PACSIN1: variants seen among roughly 807,000 people sequenced by gnomAD.
The protein encoded by PACSIN1 is protein kinase C and casein kinase substrate in neurons 1.
Under a neutral mutation model 59.5 loss-of-function variants are expected in PACSIN1, and 15 were observed. That is an observed-to-expected ratio of 0.25 (90% CI 0.17 to 0.39). The LOEUF is 0.39. Among genes scored for constraint, PACSIN1 ranks in the 10% least tolerant of loss-of-function variants. PACSIN1 has a pLI of 1.00. For missense variants in PACSIN1, 420 were observed against 580.2 expected (o/e 0.72, Z 2.84); for synonymous variants, 210 against 220.6 (o/e 0.95, Z 0.42).
chr6:34,509,247 A>G (rs1028315884), intron 1 of PACSIN1, among the ~76,000 whole-genome samples: 3 of 152,156 alleles, frequency 2.0e-5, no homozygotes, highest in South Asian at 2.1e-4. Context: ...CAGTTTTCCC[A>G]TCACCATTTG....
At chr6:34,485,472 G>A (rs192116554) in intron 1 of PACSIN1, among the ~76,000 whole-genome samples, 3 of 152,148 alleles carry the variant, frequency 2.0e-5, no homozygotes, top group Admixed American at 2.0e-4. Flanking sequence ...GAGAGTCAGC[G>A]GGGTGTGGGG....
chr6:34,490,535 C>A (rs193012756), intron 1 of PACSIN1, among the ~76,000 whole-genome samples: 340 of 152,258 alleles, frequency 2.2e-3, no homozygotes, highest in African/African-American at 7.5e-3. Context: ...CCTGAGCCTG[C>A]CCTTCTGATG....
rs187659161 is a variant in PACSIN1, at chr6:34,505,371, T to G, written c.-63-20872T>G. Among the ~76,000 whole-genome samples, 932 of 152,240 alleles carry G rather than the reference T, an allele frequency of 6.1e-3. 53 individuals carry two copies. Among genetic ancestry groups the G allele is most frequent in the Admixed American group, 0.057 (864 of 15,276 alleles). On this transcript the variant is annotated intron_variant, in intron 1 of 9. Coordinates refer to ENST00000244458, the MANE Select transcript of PACSIN1 (RefSeq NM_020804.5). ...CACTTAACTTCTTAAATCCATTGTT[T>G]GTCTTTTGCCAAGTTCAGGATTGTT...
chr6:34,507,332 C>T (rs1172307677), intron 1 of PACSIN1, among the ~76,000 whole-genome samples: 1 of 152,058 alleles, frequency 6.6e-6, no homozygotes, highest in African/African-American at 2.4e-5. Context: ...GTCAGTCTGT[C>T]TTCTCTCTGC....
rs1581989820 is a variant in PACSIN1, at chr6:34,531,795, G to A, written c.1225+8G>A. 6.5e-7 allele frequency: 1 copy of A among 1,547,628 alleles called. No individual in the cohort carries two copies. Among genetic ancestry groups the A allele is most frequent in the South Asian group, 1.2e-5 (1 of 80,686 alleles). On this transcript the variant is annotated splice_region_variant and intron_variant, in intron 9 of 9. Transcript: ENST00000244458. This position sits in a 1 kb window ranked among gnomAD's most constrained non-coding sequence, Gnocchi z 4.4. ...AGCTCAGCTTTAAGGCCGGTAGGAC[G>A]GCTGGGCGGGGCAGTGCCTGAGAGA...
intron 1 of PACSIN1, among the ~76,000 whole-genome samples, chr6:34,495,167 C>T (rs79168958): frequency 0.096 from 14,592 of 152,110 alleles, 800 homozygotes; most frequent in Non-Finnish European, 0.12. Flanking sequence ...TAGCTGAGTG[C>T]GCTTATTTAT....
intron 1 of PACSIN1, among the ~76,000 whole-genome samples, chr6:34,519,207 T>C (rs1021785394): frequency 5.9e-5 from 9 of 152,100 alleles, no homozygotes; most frequent in Non-Finnish European, 1.0e-4. Flanking sequence ...CTTGGGCCCC[T>C]TCCTAGCTGG....
chr6:34,487,956 T>G (rs945244378), intron 1 of PACSIN1, among the ~76,000 whole-genome samples: 5 of 152,286 alleles, frequency 3.3e-5, no homozygotes, highest in African/African-American at 1.2e-4. Context: ...TGGGAACAGC[T>G]TCTTCAGGGT....
chr6:34,505,298 AT>A (rs1344683498), intron 1 of PACSIN1, among the ~76,000 whole-genome samples: 2 of 152,032 alleles, frequency 1.3e-5, no homozygotes, highest in Non-Finnish European at 2.9e-5. Context: ...GAGTTTGACC[AT>A]GATGTGCCTT....
At position 34,533,037 on chromosome 6, in the gene PACSIN1, G is replaced by C. The variant is rs1234275186; in HGVS notation, c.*507G>C. The C allele has an allele frequency of 6.5e-6, 1 of 153,154 alleles. No homozygotes were observed. The highest frequency in any genetic ancestry group is 1.5e-5 in the Non-Finnish European group (1 of 68,638). 9.5% of individuals were successfully genotyped at this position (153,154 alleles called of 1,614,324 possible). ...TTCCCCATCTTTAGTTTTCCACTCT[G>C]CCCCGGGGAGCACCCTTCTACTCCT... On this transcript the variant is annotated 3_prime_UTR_variant, in exon 10 of 10. Coordinates refer to ENST00000244458, the MANE Select transcript of PACSIN1 (RefSeq NM_020804.5).
rs181935435 is a variant in PACSIN1 at position 34,494,443 on chromosome 6, T to C, written c.-64+28173T>C. ...TGGTGGTCCTAAGAGCCTGCATTTC[T>C]TTTCTTTGTTCTTTTTTGAGACAGA... On this transcript the variant is annotated intron_variant, in intron 1 of 9. Coordinates refer to ENST00000244458, the MANE Select transcript of PACSIN1 (RefSeq NM_020804.5). Among the ~76,000 whole-genome samples the C allele has an allele frequency of 1.6e-3, 247 of 152,310 alleles. 2 individuals are homozygous for C. The highest frequency in any genetic ancestry group is 0.015 in the Admixed American group (225 of 15,292).
At chr6:34,499,774 C>T (rs148814892) in intron 1 of PACSIN1, among the ~76,000 whole-genome samples, 232 of 150,910 alleles carry the variant, frequency 1.5e-3, no homozygotes, top group African/African-American at 4.7e-3. Context: ...CCAGCCTGGG[C>T]GACACAGTGA....
chr6:34,494,834 T>A (rs1380933556), intron 1 of PACSIN1, among the ~76,000 whole-genome samples: 1 of 152,176 alleles, frequency 6.6e-6, no homozygotes, highest in Non-Finnish European at 1.5e-5. Context: ...TCCCCAGCTA[T>A]CGGCTGTATA....
intron 1 of PACSIN1, among the ~76,000 whole-genome samples, chr6:34,513,317 CT>C (rs1411979428): frequency 6.6e-6 from 1 of 152,150 alleles, no homozygotes; most frequent in Non-Finnish European, 1.5e-5. Context: ...ACAAGAGGGC[CT>C]TTTGCTTAAT....
rs1324877726 is a variant in PACSIN1 at position 34,530,083 on chromosome 6, G to A, written c.789-160G>A. On this transcript the variant is annotated intron_variant, in intron 6 of 9. Transcript: ENST00000244458. The surrounding 1 kb of genome is among the most constrained non-coding windows in gnomAD (Gnocchi z 4.4). ...AGGTGGGAGGGAAAAGGAGTCCACCGAGCATGCCCGGAGCTTATTCTTGCA... is the reference window on the plus strand; with the variant it reads ...AGGTGGGAGGGAAAAGGAGTCCACCAAGCATGCCCGGAGCTTATTCTTGCA... Among the ~76,000 whole-genome samples the A allele has an allele frequency of 1.3e-5, 2 of 152,158 alleles. No homozygotes were observed. Among genetic ancestry groups the A allele is most frequent in the East Asian group, 1.9e-4 (1 of 5,186 alleles).
At position 34,532,406 on chromosome 6, in the gene PACSIN1, T is replaced by C; in HGVS notation, c.1226-15T>C. 6.5e-7 allele frequency: 1 copy of C among 1,537,872 alleles called. No individual in the cohort carries two copies. Among genetic ancestry groups the C allele is most frequent in the Non-Finnish European group, 8.8e-7 (1 of 1,132,584 alleles). ...AGCCTTCTCTCTGAGCCCCTCCCTG[T>C]GTTCTCTTTCCCAGGAGACGAACTC... On this transcript the variant is annotated splice_polypyrimidine_tract_variant and intron_variant, in intron 9 of 9. Coordinates refer to ENST00000244458, the MANE Select transcript of PACSIN1 (RefSeq NM_020804.5). The surrounding 1 kb of genome is among the most constrained non-coding windows in gnomAD (Gnocchi z 5.2).
intron 1 of PACSIN1, among the ~76,000 whole-genome samples, chr6:34,471,877 G>A (rs1766575415): frequency 6.6e-6 from 1 of 152,204 alleles, no homozygotes; most frequent in African/African-American, 2.4e-5. Flanking sequence ...ATTTCGGGCA[G>A]TTGTTCGTTC....
chr6:34,487,004 CAA>C (rs3042080), intron 1 of PACSIN1, among the ~76,000 whole-genome samples: 37 of 133,908 alleles, frequency 2.8e-4, no homozygotes, highest in South Asian at 7.2e-4. Context: ...CCATCTCTAC[CAA>C]AAAAAAAAAA....
In PACSIN1 at chr6:34,528,512, G is replaced by A. The variant is rs1407736521; in HGVS notation, c.221-130G>A. 5.6e-6 allele frequency: 4 copies of A among 717,730 alleles called. No individual in the cohort carries two copies. The East Asian group carries it at 7.6e-5, about 14-fold the overall frequency. The allele number at this position is 717,730 out of a possible 1,614,324, so 44.5% of individuals were successfully genotyped here. ...GCTGATGTGGGCCCTAGAGGATGGG[G>A]CCACGTAGAGCAGAGGAGGGCATTT... On this transcript the variant is annotated intron_variant, in intron 3 of 9. Transcript: ENST00000244458.
Sources: gnomAD v4.1 joint callset for allele counts (sites outside exome capture counted in the v4.1 genomes callset) on GRCh38, gnomAD v4.1.1 for gene constraint, Gnocchi (gnomAD v3.1) non-coding constraint, MANE v1.5 for transcripts, NCBI Gene and HGNC (gene_info 2026-07-23, HGNC 2026-07-21) for gene names.